EFCAB7: variants seen among roughly 807,000 people sequenced by gnomAD.
EFCAB7 encodes the protein EF-hand calcium-binding domain-containing protein 7.
A neutral mutation model predicts 77.1 loss-of-function variants in EFCAB7; 66 were observed. The ratio of observed to expected loss-of-function variants is 0.86; its 90% CI spans 0.70 to 1.05. EFCAB7 has a LOEUF of 1.05. EFCAB7 is among the 50% of genes least tolerant of loss of function. The probability of loss-of-function intolerance (pLI) is 0.00; values close to 1 mark genes in which losing one functional copy is unlikely to be tolerated. For synonymous variants in EFCAB7, 225 were observed against 243.3 expected, an observed-to-expected ratio of 0.92 and a Z score of 0.70; for missense variants, 638 against 730.5, an observed-to-expected ratio of 0.87 and a Z score of 1.46.
At chr1:63,529,292 C>T (rs1274609211) in intron 2 of EFCAB7, 1 of 152,192 alleles carries the variant, frequency 6.6e-6, no homozygotes, top group East Asian at 1.9e-4. Flanking sequence ...CTTCTGTTAG[C>T]TCTGAAAGTC....
chr1:63,581,607 A>G, the EFCAB7 span, among the ~76,000 whole-genome samples: 3 of 151,988 alleles, frequency 2.0e-5, no homozygotes, highest in Admixed American at 6.6e-5. Context: ...TATATTTTGG[A>G]TGTCAGTTTG....
chr1:63,532,087 C>A, intron 3 of EFCAB7, 56 bp downstream of exon 3: 1 of 1,255,968 alleles, frequency 8.0e-7, no homozygotes, highest in Non-Finnish European at 1.1e-6. Flanking sequence ...AGCTTGGAAT[C>A]TAGCTTTGAC....
At chr1:63,562,449 TTATATATATATATATA>T (rs869302346) in intron 11 of EFCAB7, among the ~76,000 whole-genome samples, 26 of 22,486 alleles carry the variant, frequency 1.2e-3, no homozygotes, top group South Asian at 5.4e-3. Flanking sequence ...CTTAATTTAT[TTATATATATATATATA>T]TATATATATA....
chr1:63,573,156 G>C (rs1647316999), downstream of EFCAB7, among the ~76,000 whole-genome samples: 1 of 152,100 alleles, frequency 6.6e-6, no homozygotes, highest in African/African-American at 2.4e-5. Flanking sequence ...TGAAGTGTTG[G>C]GGCGGCGAAA....
chr1:63,525,722 C>T lies in EFCAB7; in HGVS notation c.150C>T (p.Ser50=), dbSNP rs780758866. The T allele has an allele frequency of 2.6e-5, 41 of 1,579,720 alleles. No homozygotes were observed. In the South Asian group the frequency reaches 3.6e-4, roughly 14 times the overall value. ...RAAYLTVFKS[S]LENIISKDQL... ...CCTACTTAACTGTCTTCAAAAGCAG[C>T]TTGGAAAACATTATTTCTAAAGATC... Residue 50 remains serine (S), a synonymous_variant, in exon 2 of 14, where the codon AGC becomes AGT. Transcript: ENST00000371088.
intron 6 of EFCAB7, among the ~76,000 whole-genome samples, chr1:63,540,933 G>A (rs1646822089): frequency 6.6e-6 from 1 of 151,882 alleles, no homozygotes; most frequent in Non-Finnish European, 1.5e-5. Context: ...TAACCAAAAT[G>A]AAAATAAAAG....
intron 13 of EFCAB7, among the ~76,000 whole-genome samples, chr1:63,571,335 G>T (rs998844529): frequency 1.3e-5 from 2 of 152,124 alleles, no homozygotes; most frequent in Admixed American, 6.5e-5. Context: ...ACTATGGGAA[G>T]TTCATTTATT....
intron 11 of EFCAB7, among the ~76,000 whole-genome samples, chr1:63,563,572 AC>A (rs965786325): frequency 6.6e-6 from 1 of 152,218 alleles, no homozygotes; most frequent in Non-Finnish European, 1.5e-5. Context: ...ATTGGTTGGC[AC>A]TAAGCAGTGT....
intron 13 of EFCAB7, 61 bp downstream of exon 13, chr1:63,571,189 T>A: frequency 9.1e-7 from 1 of 1,095,252 alleles, no homozygotes; most frequent in Non-Finnish European, 1.4e-6. Context: ...AATTTGCTAT[T>A]AATGCTATGA....
At chr1:63,566,258 A>G (rs1379764341) in intron 11 of EFCAB7, among the ~76,000 whole-genome samples, 1 of 152,226 alleles carries the variant, frequency 6.6e-6, no homozygotes, top group Non-Finnish European at 1.5e-5. Context: ...TGAAAACCAA[A>G]TGCCACATGT....
chr1:63,525,224 T>C (rs1449400213), intron 1 of EFCAB7, among the ~76,000 whole-genome samples: 1 of 152,226 alleles, frequency 6.6e-6, no homozygotes, highest in Admixed American at 6.5e-5. Context: ...AGAATAGATG[T>C]GTGCTCTTCC....
At chr1:63,552,158 C>T (rs991869819) in intron 8 of EFCAB7, among the ~76,000 whole-genome samples, 5 of 151,902 alleles carry the variant, frequency 3.3e-5, no homozygotes, top group African/African-American at 7.3e-5. Context: ...AGTTCAAAGC[C>T]ATATTATTCT....
intron 11 of EFCAB7, among the ~76,000 whole-genome samples, chr1:63,566,622 A>T (rs1337273322): frequency 1.3e-5 from 2 of 152,130 alleles, no homozygotes; most frequent in Non-Finnish European, 1.5e-5. Flanking sequence ...ATCATGACTT[A>T]AAAAATGGCA....
intron 7 of EFCAB7, among the ~76,000 whole-genome samples, chr1:63,551,288 T>C (rs956152705): frequency 6.6e-6 from 1 of 152,168 alleles, no homozygotes; most frequent in Non-Finnish European, 1.5e-5. Flanking sequence ...TGCTATCATG[T>C]TTACACATAA....
chr1:63,567,731 G>C (rs1264821556), intron 11 of EFCAB7, among the ~76,000 whole-genome samples: 1 of 152,174 alleles, frequency 6.6e-6, no homozygotes, highest in Non-Finnish European at 1.5e-5. Flanking sequence ...CAGGAGACCA[G>C]GTTGGATGGA....
At chr1:63,534,067 C>A (rs778381135) in intron 5 of EFCAB7, 28 bp from the exon 6 acceptor site, 1 of 1,611,128 alleles carries the variant, frequency 6.2e-7, no homozygotes, top group Non-Finnish European at 8.5e-7. Context: ...TTCATAATGT[C>A]AGACCAAATA....
chr1:63,584,433 T>C, the EFCAB7 span, among the ~76,000 whole-genome samples: 4 of 152,096 alleles, frequency 2.6e-5, no homozygotes, highest in African/African-American at 9.7e-5. Context: ...ACACCTGTAG[T>C]CCCGGCTACT....
intron 10 of EFCAB7, among the ~76,000 whole-genome samples, chr1:63,559,416 G>A (rs2100916065): frequency 6.6e-6 from 1 of 151,670 alleles, no homozygotes; most frequent in African/African-American, 2.4e-5. Flanking sequence ...CAATTGATGA[G>A]TGAATTATTG....
At chr1:63,539,405 A>G (rs1646802190) in intron 6 of EFCAB7, among the ~76,000 whole-genome samples, 1 of 152,202 alleles carries the variant, frequency 6.6e-6, no homozygotes, top group African/African-American at 2.4e-5. Flanking sequence ...CTTAACCCTT[A>G]AAAGTATGGA....
Sources: gnomAD v4.1 joint callset for allele counts (sites outside exome capture counted in the v4.1 genomes callset) on GRCh38, gnomAD v4.1.1 for gene constraint, MANE v1.5 for transcripts, NCBI Gene and HGNC (gene_info 2026-07-23, HGNC 2026-07-21) for gene names.